The following RBBP4 variants were observed in gnomAD, a reference collection of about 807,000 sequenced individuals.
RBBP4 encodes histone-binding protein RBBP4.
Under a neutral mutation model 57.2 loss-of-function variants are expected in RBBP4, and 3 were observed. The ratio of observed to expected loss-of-function variants is 0.05; its 90% CI spans 0.02 to 0.14. The LOEUF (loss-of-function observed/expected upper bound fraction) is 0.14. Ranked by LOEUF, RBBP4 falls within the 10% of genes least tolerant of loss-of-function variation. RBBP4 has a pLI of 1.00. For missense variants in RBBP4, 107 were observed against 520.6 expected (o/e 0.21, Z 7.73); for synonymous variants, 151 against 171.5 (o/e 0.88, Z 0.93).
rs1649609345 is a variant in RBBP4 at position 32,683,747 on chromosome 1, C to T, written c.*4042C>T. On this transcript the variant is annotated 3_prime_UTR_variant, in exon 12 of 12. Coordinates refer to ENST00000373493, the MANE Select transcript of RBBP4 (RefSeq NM_005610.3). The stretch of plus-strand genomic sequence containing the variant: ...CTCCTGGTTCAAGCGATTCTCCTGC[C>T]TTGGCCTCCTGAGTAGCTGGGATTA... 3 of 373,630 alleles carry T rather than the reference C, an allele frequency of 8.0e-6. No individual in the cohort carries two copies. The highest frequency in any genetic ancestry group is 1.5e-5 in the Non-Finnish European group (3 of 200,798). The allele number at this position is 373,630 out of a possible 1,614,324, so 23.1% of individuals were successfully genotyped here. A position where few individuals can be genotyped will look rare whatever the true frequency, so the allele number is the denominator to read the frequency against.
Position 32,684,005 on chromosome 1 carries a change from A to T in RBBP4, c.*4300A>T, listed in dbSNP as rs1186729578. On this transcript the variant is annotated 3_prime_UTR_variant, in exon 12 of 12. Transcript: ENST00000373493. ...AAACACCACTCTTCTCTTCACAAAG[A>T]TCACCTTGAGACTGTGTCTCCATTC... The T allele has an allele frequency of 1.9e-6, 3 of 1,613,478 alleles. No individual in the cohort carries two copies. Among genetic ancestry groups the T allele is most frequent in the Non-Finnish European group, 2.5e-6 (3 of 1,179,564 alleles).
At chr1:32,653,448 A>G (rs915879458) in intron 2 of RBBP4, among the ~76,000 whole-genome samples, 1 of 152,132 alleles carries the variant, frequency 6.6e-6, no homozygotes, top group Non-Finnish European at 1.5e-5. Flanking sequence ...ATGTTATTAG[A>G]CTATGATGTA....
intron 2 of RBBP4, among the ~76,000 whole-genome samples, chr1:32,653,519 A>G (rs1278721599): frequency 6.6e-6 from 1 of 152,074 alleles, no homozygotes; most frequent in Admixed American, 6.6e-5. Flanking sequence ...TGAGGCTGCT[A>G]CCTTTACAGT....
chr1:32,672,325 G>T (rs1648913723), intron 8 of RBBP4, 125 bp from the exon 9 acceptor site: 1 of 749,400 alleles, frequency 1.3e-6, no homozygotes, highest in East Asian at 2.7e-5. Flanking sequence ...ACTGTAACGT[G>T]TATAATACCT....
In RBBP4 at chr1:32,662,902, T is replaced by C. The variant is rs190014623; in HGVS notation, c.311-5323T>C. 2.3e-3 allele frequency among the ~76,000 whole-genome samples: 344 copies of C among 152,110 alleles called. 1 individual carries two copies. Among genetic ancestry groups the C allele is most frequent in the African/African-American group, 8.0e-3 (334 of 41,524 alleles). On this transcript the variant is annotated intron_variant, in intron 3 of 11. Transcript: ENST00000373493. ...GGAAGGCTGATGCAGTAGAATCGCT[T>C]GAACCCAGGAGGCGGAGGTTGCAGT...
chr1:32,652,914 T>G (rs1257228948), intron 2 of RBBP4, among the ~76,000 whole-genome samples: 1 of 152,196 alleles, frequency 6.6e-6, no homozygotes, highest in Non-Finnish European at 1.5e-5. Flanking sequence ...CATTGTCTAG[T>G]TGAAGTGGCA....
At chr1:32,657,828 C>T (rs1303538924) in intron 3 of RBBP4, among the ~76,000 whole-genome samples, 1 of 152,008 alleles carries the variant, frequency 6.6e-6, no homozygotes, top group Non-Finnish European at 1.5e-5. Flanking sequence ...TTGAAAGAAG[C>T]AAAAATATAT....
intron 3 of RBBP4, among the ~76,000 whole-genome samples, chr1:32,664,272 T>C (rs1018644259): frequency 6.6e-6 from 1 of 152,118 alleles, no homozygotes; most frequent in African/African-American, 2.4e-5. Flanking sequence ...TTGAATACGC[T>C]AAGTTCTTAC....
chr1:32,673,351 ATAC>A (rs534272694), intron 11 of RBBP4: 27 of 354,374 alleles, frequency 7.6e-5, no homozygotes, highest in African/African-American at 5.5e-4. Context: ...ACAGCATCAA[ATAC>A]TACTATTTCT....
rs763507197 is a variant in RBBP4 at position 32,684,124 on chromosome 1, T to C, written c.*4419T>C. ...GAGAGAGCCATTTTCCATGTGTTTT[T>C]GGATAAGCACAATTTGAAAATCATT... On this transcript the variant is annotated 3_prime_UTR_variant, in exon 12 of 12. Transcript: ENST00000373493. 1 of 1,610,922 alleles carries C rather than the reference T, an allele frequency of 6.2e-7. No homozygotes were observed.
rs981461941 is a variant in RBBP4, at chr1:32,683,390, G to A, written c.*3685G>A. The A allele has an allele frequency of 3.9e-5, 6 of 152,014 alleles. No homozygotes were observed. The highest frequency in any genetic ancestry group is 1.5e-4 in the African/African-American group (6 of 41,330). The allele number at this position is 152,014 out of a possible 1,614,324, so 9.4% of individuals were successfully genotyped here. A position where few individuals can be genotyped will look rare whatever the true frequency, so the allele number is the denominator to read the frequency against. On this transcript the variant is annotated 3_prime_UTR_variant, in exon 12 of 12. Coordinates refer to ENST00000373493, the MANE Select transcript of RBBP4 (RefSeq NM_005610.3). ...ATAGATATGTTTATTATTTTTGATA[G>A]CACAACTGCTTTCTCTGCTATTATA... is the stretch of plus-strand genomic sequence containing the variant.
chr1:32,673,480 C>G (rs1410516297), intron 11 of RBBP4: 2 of 428,530 alleles, frequency 4.7e-6, no homozygotes, highest in South Asian at 3.3e-5. Context: ...CTTTTTCACC[C>G]AGGCTGGAGT....
rs1207401852 is a variant in RBBP4 at position 32,651,276 on chromosome 1, C to A, written c.-31C>A. ...TCCCCGCCCCTCCCGCAACGCTCGA[C>A]CCCAGGATTCCCCCGGCTCGCCTGC... On this transcript the variant is annotated 5_prime_UTR_variant, in exon 1 of 12. Coordinates refer to ENST00000373493, the MANE Select transcript of RBBP4 (RefSeq NM_005610.3). 22 of 1,493,598 alleles carry A rather than the reference C, an allele frequency of 1.5e-5. No homozygotes were observed. The highest frequency in any genetic ancestry group is 2.2e-4 in the Middle Eastern group (1 of 4,642). The allele number at this position is 1,493,598 out of a possible 1,614,324, so 92.5% of individuals were successfully genotyped here.
Position 32,682,012 on chromosome 1 carries a change from TAGAA to T in RBBP4, c.*2308_*2311del. The T allele has an allele frequency of 1.5e-6, 1 of 665,304 alleles. No individual in the cohort carries two copies. Among genetic ancestry groups the T allele is most frequent in the South Asian group, 1.8e-5 (1 of 54,334 alleles). 41.2% of individuals were successfully genotyped at this position (665,304 alleles called of 1,614,324 possible). On this transcript the variant is annotated 3_prime_UTR_variant, in exon 12 of 12. Coordinates refer to ENST00000373493, the MANE Select transcript of RBBP4 (RefSeq NM_005610.3). Reference sequence around the variant, plus strand: ...ATTTGGATGCCTCCTGTTTGTCAAATAGAATGAATGGTGATGGTGATGGGAGGGA... The same window carrying T: ...ATTTGGATGCCTCCTGTTTGTCAAATTGAATGGTGATGGTGATGGGAGGGA...
chr1:32,664,705 C>G (rs2786173), intron 3 of RBBP4, among the ~76,000 whole-genome samples: 131,064 of 151,968 alleles, frequency 0.86, 58,055 homozygotes, highest in Non-Finnish European at 0.96. Flanking sequence ...CCCGTCTCGG[C>G]CTCCCAAAGT....
chr1:32,664,143 T>TGG (rs1648547413), intron 3 of RBBP4, among the ~76,000 whole-genome samples: 1 of 152,114 alleles, frequency 6.6e-6, no homozygotes, highest in Non-Finnish European at 1.5e-5. Context: ...TTAGCCAGCA[T>TGG]AGTCTTGATC....
intron 3 of RBBP4, among the ~76,000 whole-genome samples, chr1:32,661,075 A>G (rs1249929343): frequency 2.0e-5 from 3 of 152,108 alleles, no homozygotes; most frequent in African/African-American, 7.2e-5. Flanking sequence ...TGGCTTCCCA[A>G]AGTTCTGGGC....
At position 32,652,307 on chromosome 1, in the gene RBBP4, C is replaced by G. The variant is rs1570823073; in HGVS notation, c.164+246C>G. On this transcript the variant is annotated intron_variant, in intron 2 of 11. Coordinates refer to ENST00000373493, the MANE Select transcript of RBBP4 (RefSeq NM_005610.3). ...AAATAGCTGTAGCTGATGATAATAC[C>G]TGTAATAATAGTGGCTGTACCAAAT... is the stretch of plus-strand genomic sequence containing the variant. 6.0e-5 allele frequency: 26 copies of G among 432,298 alleles called. 2 individuals carry two copies. In the South Asian group the frequency reaches 8.6e-4, roughly 14 times the overall value. The allele number at this position is 432,298 out of a possible 1,614,324, so 26.8% of individuals were successfully genotyped here.
chr1:32,651,236 C>A lies in RBBP4; in HGVS notation c.-71C>A. 1.3e-6 allele frequency: 2 copies of A among 1,504,188 alleles called. No homozygotes were observed. Among genetic ancestry groups the A allele is most frequent in the South Asian group, 1.2e-5 (1 of 81,062 alleles). 93.2% of individuals were successfully genotyped at this position (1,504,188 alleles called of 1,614,324 possible). ...AACAATAGAGGCCGCGCGCACAGAG[C>A]GAGCTCTTGCAGCCTCCCCGCCCCT... On this transcript the variant is annotated 5_prime_UTR_variant, in exon 1 of 12. Transcript: ENST00000373493.
Sources: gnomAD v4.1 joint callset for allele counts (sites outside exome capture counted in the v4.1 genomes callset) on GRCh38, gnomAD v4.1.1 for gene constraint, MANE v1.5 for transcripts, NCBI Gene and HGNC (gene_info 2026-07-23, HGNC 2026-07-21) for gene names.